FGGY: variants seen among roughly 807,000 people sequenced by gnomAD.
FGGY encodes the protein FGGY carbohydrate kinase domain containing.
In FGGY, 72 loss-of-function variants were observed where a neutral mutation model predicts 71.3. That is an observed-to-expected ratio of 1.01 (90% confidence interval 0.84 to 1.23). FGGY has a LOEUF of 1.23. Ranked by LOEUF, FGGY falls within the 50% of genes most tolerant of loss-of-function variation. The pLI is 0.00. For missense variants in FGGY, 668 were observed against 682.3 expected, an observed-to-expected ratio of 0.98 and a Z score of 0.23; for synonymous variants, 251 against 250.3, an observed-to-expected ratio of 1.00 and a Z score of -0.02.
At chr1:59,482,533 A>G (rs186810163) in intron 6 of FGGY, among the ~76,000 whole-genome samples, 15 of 151,332 alleles carry the variant, frequency 9.9e-5, no homozygotes, top group African/African-American at 3.6e-4. Flanking sequence ...CCCACAGAGA[A>G]TTACAGATTT....
intron 4 of FGGY, among the ~76,000 whole-genome samples, chr1:59,356,472 ACT>A (rs2054333389): frequency 6.6e-6 from 1 of 151,944 alleles, no homozygotes; most frequent in African/African-American, 2.4e-5. Flanking sequence ...AGGGTCCTAC[ACT>A]CTGTCCCCTG....
chr1:59,496,289 A>G (rs1034017845), intron 6 of FGGY, among the ~76,000 whole-genome samples: 1 of 152,174 alleles, frequency 6.6e-6, no homozygotes, highest in African/African-American at 2.4e-5. Flanking sequence ...ATGCCCATCA[A>G]CAGTGGACCG....
intron 12 of FGGY, chr1:59,660,507 G>A: frequency 5.0e-6 from 2 of 399,522 alleles, no homozygotes; most frequent in Non-Finnish European, 8.9e-6. Flanking sequence ...AAGCTGAAAG[G>A]AGTTAAAATC....
intron 8 of FGGY, among the ~76,000 whole-genome samples, chr1:59,575,643 A>G (rs910463573): frequency 6.6e-6 from 1 of 152,118 alleles, no homozygotes; most frequent in African/African-American, 2.4e-5. Flanking sequence ...TCACATGGTA[A>G]TTTGTCATTT....
chr1:59,627,653 T>G lies in FGGY; in HGVS notation c.1073+1604T>G, dbSNP rs75250085. ...GTGTGTACCTAGCTCACAGGTACTG[T>G]ATTCTAAGTACCATTCTCCCATTTC... On this transcript the variant is annotated intron_variant, in intron 10 of 15. Transcript: ENST00000303721. Among the ~76,000 whole-genome samples, 1,150 of 152,010 alleles carry G rather than the reference T, an allele frequency of 7.6e-3. 19 individuals are homozygous for G. The highest frequency in any genetic ancestry group is 0.026 in the African/African-American group (1,097 of 41,468).
At position 59,689,845 on chromosome 1, in the gene FGGY, G is replaced by A. The variant is rs574470917; in HGVS notation, c.1512+15712G>A. On this transcript the variant is annotated intron_variant, in intron 14 of 15. Coordinates refer to ENST00000303721, the MANE Select transcript of FGGY (RefSeq NM_018291.5). The stretch of plus-strand genomic sequence containing the variant: ...AATGTCATTGAGAGATGGGGAGCAA[G>A]CCACTTTCTACCAGCTCAAAATCTA... 7.9e-5 allele frequency among the ~76,000 whole-genome samples: 12 copies of A among 152,246 alleles called. No homozygotes were observed. In the East Asian group the frequency reaches 2.1e-3, roughly 27 times the overall value.
intron 14 of FGGY, among the ~76,000 whole-genome samples, chr1:59,694,028 G>A (rs746717085): frequency 1.1e-4 from 16 of 148,152 alleles, no homozygotes; most frequent in South Asian, 4.3e-4. Flanking sequence ...ATGGCCGGGC[G>A]CGGTGGCTCA....
intron 1 of FGGY, among the ~76,000 whole-genome samples, chr1:59,314,433 C>T (rs1474178472): frequency 1.3e-5 from 2 of 152,152 alleles, no homozygotes; most frequent in Non-Finnish European, 2.9e-5. Flanking sequence ...GCCATTGATT[C>T]TTTCTGGTTA....
chr1:59,614,962 A>G (rs1322294406), intron 9 of FGGY, among the ~76,000 whole-genome samples: 3 of 152,230 alleles, frequency 2.0e-5, no homozygotes, highest in African/African-American at 7.2e-5. Flanking sequence ...TGACCTCTTC[A>G]AGGAGAACTA....
chr1:59,734,551 C>T lies in FGGY; in HGVS notation c.1513-23380C>T, dbSNP rs1436422466. Reference sequence around the variant, plus strand: ...CTCTGCTAGACACATGCTTCCCCCTCCTTCAGCCATTAATACCTGTGCATC... The same window carrying T: ...CTCTGCTAGACACATGCTTCCCCCTTCTTCAGCCATTAATACCTGTGCATC... On this transcript the variant is annotated intron_variant, in intron 14 of 15. Coordinates refer to ENST00000303721, the MANE Select transcript of FGGY (RefSeq NM_018291.5). Among the ~76,000 whole-genome samples, 24 of 152,334 alleles carry T rather than the reference C, an allele frequency of 1.6e-4. 1 individual carries two copies. Among genetic ancestry groups the T allele is most frequent in the Non-Finnish European group, 4.4e-5 (3 of 68,024 alleles).
intron 5 of FGGY, among the ~76,000 whole-genome samples, chr1:59,454,933 A>T (rs2091537623): frequency 6.6e-6 from 1 of 152,228 alleles, no homozygotes. Flanking sequence ...TGACTGAATG[A>T]GATACATCTA....
intron 14 of FGGY, among the ~76,000 whole-genome samples, chr1:59,717,757 A>G (rs1287900450): frequency 6.6e-6 from 1 of 152,212 alleles, no homozygotes; most frequent in Non-Finnish European, 1.5e-5. Context: ...GTGAAGAAGG[A>G]CGGAAAAGGC....
chr1:59,574,968 A>T (rs1006817447), intron 8 of FGGY, among the ~76,000 whole-genome samples: 5 of 152,048 alleles, frequency 3.3e-5, no homozygotes, highest in African/African-American at 1.2e-4. Context: ...GTGTATGTTA[A>T]TTTATTTTTA....
chr1:59,602,673 G>T (rs1030227748), intron 8 of FGGY, among the ~76,000 whole-genome samples: 1 of 152,116 alleles, frequency 6.6e-6, no homozygotes, highest in African/African-American at 2.4e-5. Flanking sequence ...TTCTGCCCGG[G>T]CTGCCCTTCC....
chr1:59,607,824 G>C lies in FGGY; in HGVS notation c.925G>C (p.Val309Leu), dbSNP rs761870388. Residue 309 changes from valine to leucine, a missense_variant, in exon 9 of 16, where the codon GTA (valine) becomes CTA (leucine). Physicochemically the swap from Val to Leu is conservative, Grantham distance 32 (BLOSUM62 1). Transcript: ENST00000303721. ...CCAGATCAGCAAAGACCCGATTTTT[G>C]TACCAGGCGTCTGGGGGCCTTATTT... ...HMGISKDPIF[V>L]PGVWGPYFSA... The C allele has an allele frequency of 9.3e-6, 15 of 1,613,592 alleles. No individual in the cohort carries two copies. In the Admixed American group the frequency reaches 2.5e-4, roughly 27 times the overall value.
intron 5 of FGGY, among the ~76,000 whole-genome samples, chr1:59,454,089 G>C (rs1434235876): frequency 6.6e-6 from 1 of 152,064 alleles, no homozygotes; most frequent in Non-Finnish European, 1.5e-5. Flanking sequence ...CATTGGAACT[G>C]GACCATAAGG....
chr1:59,493,096 A>AACACACACACACACAC (rs3035371), intron 6 of FGGY, among the ~76,000 whole-genome samples: 11,781 of 142,882 alleles, frequency 0.082, 582 homozygotes, highest in Middle Eastern at 0.14. Flanking sequence ...TACCAAACAA[A>AACACACACACACACAC]ACACACACAC....
chr1:59,745,383 AG>A (rs1381645963), intron 14 of FGGY, among the ~76,000 whole-genome samples: 1 of 152,206 alleles, frequency 6.6e-6, no homozygotes, highest in Non-Finnish European at 1.5e-5. Context: ...CAGTTGGCCT[AG>A]TGACTAACCA....
chr1:59,736,355 T>A (rs1254002573), intron 14 of FGGY, among the ~76,000 whole-genome samples: 1 of 152,132 alleles, frequency 6.6e-6, no homozygotes, highest in Non-Finnish European at 1.5e-5. Context: ...CTTTGGAACT[T>A]GGTAACAGGC....
Sources: allele counts gnomAD v4.1 joint callset (sites outside exome capture counted in the v4.1 genomes callset), GRCh38; gene constraint gnomAD v4.1.1; transcripts MANE v1.5; gene names NCBI Gene and HGNC (gene_info 2026-07-23, HGNC 2026-07-21).